CHERP: variants seen among roughly 807,000 people sequenced by gnomAD.
The protein encoded by CHERP is calcium homeostasis endoplasmic reticulum protein.
In CHERP, 8 loss-of-function variants were observed where a neutral mutation model predicts 113.8. The observed-to-expected ratio is 0.07, with a 90% CI of 0.04 to 0.13. The LOEUF (loss-of-function observed/expected upper bound fraction) is 0.13, where lower values mean the gene tolerates loss of function less well. Among genes scored for constraint, CHERP ranks in the 10% least tolerant of loss-of-function variants. The probability of loss-of-function intolerance (pLI) is 1.00; values close to 1 mark genes in which losing one functional copy is unlikely to be tolerated. For synonymous variants in CHERP, 559 were observed against 524.5 expected (o/e 1.07, Z -0.90); for missense variants, 884 against 1,298.2 (o/e 0.68, Z 4.90).
chr19:16,522,267 CTT>C (rs941317864), intron 11 of CHERP, among the ~76,000 whole-genome samples: 1 of 147,914 alleles, frequency 6.8e-6, no homozygotes. Context: ...CCAACCCCCC[CTT>C]TTTTTTTTTG....
In CHERP at chr19:16,523,238, G is replaced by A. The variant is rs1599747282; in HGVS notation, c.1794C>T (p.Ile598=). 1 of 1,600,446 alleles carries A rather than the reference G, an allele frequency of 6.2e-7. No homozygotes were observed. Among genetic ancestry groups the A allele is most frequent in the Non-Finnish European group, 8.5e-7 (1 of 1,174,888 alleles). Residue 598 remains isoleucine (I), a synonymous_variant, in exon 11 of 17, where the codon ATC becomes ATT. Coordinates refer to ENST00000546361, the MANE Select transcript of CHERP (RefSeq NM_006387.6). The surrounding 1 kb of genome is among the most constrained non-coding windows in gnomAD (Gnocchi z 4.0). ...GTCCAGCCCAAGGCGGGTGCTCGTTGATGCCAGGATGAGGCATGCGGTGGC... is the reference window on the plus strand; with the variant it reads ...GTCCAGCCCAAGGCGGGTGCTCGTTAATGCCAGGATGAGGCATGCGGTGGC... ...HPGHRMPHPG[I]NEHPPWAGPQ...
At chr19:16,524,497 A>G (rs1181902107) in intron 10 of CHERP, among the ~76,000 whole-genome samples, 1 of 151,324 alleles carries the variant, frequency 6.6e-6, no homozygotes, top group Non-Finnish European at 1.5e-5. Flanking sequence ...CGGAGGTTGC[A>G]GTGAGCTGAG....
At chr19:16,542,205 G>T in intron 1 of CHERP, 149 bp downstream of exon 1, 1 of 1,067,006 alleles carries the variant, frequency 9.4e-7, no homozygotes, top group Non-Finnish European at 1.3e-6. Flanking sequence ...ACGCTCGCCG[G>T]GAATGCGGGG....
rs1292278702 is a variant in CHERP, at chr19:16,520,273, G to A, written c.2346-8C>T. 3 of 1,613,350 alleles carry A rather than the reference G, an allele frequency of 1.9e-6. No individual in the cohort carries two copies. Among genetic ancestry groups the A allele is most frequent in the Non-Finnish European group, 2.5e-6 (3 of 1,179,884 alleles). ...CGCGACCTGCTCCGACTTCTGCAGG[G>A]AAGGGTGCCCAAGGGTCAGCAGCAG... On this transcript the variant is annotated splice_region_variant and splice_polypyrimidine_tract_variant and intron_variant, in intron 14 of 16. Transcript: ENST00000546361. The surrounding 1 kb of genome is among the most constrained non-coding windows in gnomAD (Gnocchi z 4.0).
rs955184958 is a variant in CHERP at position 16,519,460 on chromosome 19, G to A, written c.2558-108C>T. 5.3e-6 allele frequency: 7 copies of A among 1,332,804 alleles called. No homozygotes were observed. The South Asian group carries it at 7.8e-5, about 15-fold the overall frequency. 82.6% of individuals were successfully genotyped at this position (1,332,804 alleles called of 1,614,324 possible). A position where few individuals can be genotyped will look rare whatever the true frequency, so the allele number is the denominator to read the frequency against. On this transcript the variant is annotated intron_variant, in intron 16 of 16. Transcript: ENST00000546361. The surrounding 1 kb of genome is among the most constrained non-coding windows in gnomAD (Gnocchi z 6.0). ...AGTGTAGACATGGGAAATGGGTAGAGAGAACCCGCAGGCCGGCCCTGTCTA... is the reference window on the plus strand; with the variant it reads ...AGTGTAGACATGGGAAATGGGTAGAAAGAACCCGCAGGCCGGCCCTGTCTA...
intron 2 of CHERP, among the ~76,000 whole-genome samples, chr19:16,538,899 G>A (rs779829852): frequency 1.3e-5 from 2 of 151,654 alleles, no homozygotes; most frequent in African/African-American, 4.9e-5. Context: ...TGCAACTGGC[G>A]CCCAAGTTCA....
In CHERP at chr19:16,523,956, A is replaced by G. The variant is rs1354553898; in HGVS notation, c.1742-666T>C. Among the ~76,000 whole-genome samples the G allele has an allele frequency of 2.6e-5, 4 of 152,248 alleles. No homozygotes were observed. The highest frequency in any genetic ancestry group is 9.6e-5 in the African/African-American group (4 of 41,474). ...AAGCTGCATTTATAATCAGAAATGTATTTAAAGAGAGAAGGCTGGGCATGG... is the reference window on the plus strand; with the variant it reads ...AAGCTGCATTTATAATCAGAAATGTGTTTAAAGAGAGAAGGCTGGGCATGG... On this transcript the variant is annotated intron_variant, in intron 10 of 16. Transcript: ENST00000546361. This position sits in a 1 kb window ranked among gnomAD's most constrained non-coding sequence, Gnocchi z 4.0.
rs980135903 is a variant in CHERP, at chr19:16,532,772, G to A, written c.523-23C>T. On this transcript the variant is annotated intron_variant, in intron 4 of 16. Coordinates refer to ENST00000546361, the MANE Select transcript of CHERP (RefSeq NM_006387.6). The surrounding 1 kb of genome is among the most constrained non-coding windows in gnomAD (Gnocchi z 4.4). Reference sequence around the variant, plus strand: ...GGCCTGCAACAACCGAGCCAATGACGAGTGAGCAGGGCCGCGGCTCCCCCA... The same window carrying A: ...GGCCTGCAACAACCGAGCCAATGACAAGTGAGCAGGGCCGCGGCTCCCCCA... 18 of 1,596,448 alleles carry A rather than the reference G, an allele frequency of 1.1e-5. No homozygotes were observed. The highest frequency in any genetic ancestry group is 1.1e-4 in the African/African-American group (8 of 74,688).
Position 16,519,810 on chromosome 19 carries a change from G to T in CHERP, c.2463-95C>A. 1 of 1,064,772 alleles carries T rather than the reference G, an allele frequency of 9.4e-7. No homozygotes were observed. Among genetic ancestry groups the T allele is most frequent in the Non-Finnish European group, 1.5e-6 (1 of 682,598 alleles). The allele number at this position is 1,064,772 out of a possible 1,614,324, so 66.0% of individuals were successfully genotyped here. On this transcript the variant is annotated intron_variant, in intron 15 of 16. Coordinates refer to ENST00000546361, the MANE Select transcript of CHERP (RefSeq NM_006387.6). This position sits in a 1 kb window ranked among gnomAD's most constrained non-coding sequence, Gnocchi z 6.0. ...CCTCACAGCCGCAGCTTGCGTGCAT[G>T]CTCACTGTCACCAGGTGACACCGTA...
At chr19:16,522,505 C>T (rs1326231289) in intron 11 of CHERP, among the ~76,000 whole-genome samples, 12 of 152,118 alleles carry the variant, frequency 7.9e-5, no homozygotes, top group East Asian at 3.9e-4. Context: ...GTGATCCGCC[C>T]GCCTCGGCCT....
At chr19:16,527,967 A>G in intron 9 of CHERP, 113 bp downstream of exon 9, 1 of 1,028,354 alleles carries the variant, frequency 9.7e-7, no homozygotes, top group South Asian at 1.5e-5. Flanking sequence ...GCCACAGAAT[A>G]TCCCTCATTG....
Position 16,535,713 on chromosome 19 carries a change from A to G in CHERP, c.200-77T>C. On this transcript the variant is annotated intron_variant, in intron 2 of 16. Transcript: ENST00000546361. This position sits in a 1 kb window ranked among gnomAD's most constrained non-coding sequence, Gnocchi z 4.3. ...GTGTCCCCTTGGCCACCTCTCAGCC[A>G]CAGGGGCCTCCCCCTCCCCAGGGAC... 2.2e-6 allele frequency: 3 copies of G among 1,347,842 alleles called. No individual in the cohort carries two copies. The highest frequency in any genetic ancestry group is 2.9e-6 in the Non-Finnish European group (3 of 1,017,550). 83.5% of individuals were successfully genotyped at this position (1,347,842 alleles called of 1,614,324 possible). A position where few individuals can be genotyped will look rare whatever the true frequency, so the allele number is the denominator to read the frequency against.
intron 2 of CHERP, among the ~76,000 whole-genome samples, chr19:16,540,399 G>A (rs2085770666): frequency 7.9e-6 from 1 of 126,964 alleles, no homozygotes; most frequent in African/African-American, 3.0e-5. Flanking sequence ...TTTAGATGGA[G>A]TCTCATTCTG....
chr19:16,529,341 T>C (rs2085679925), intron 8 of CHERP, among the ~76,000 whole-genome samples: 1 of 152,218 alleles, frequency 6.6e-6, no homozygotes, highest in African/African-American at 2.4e-5. Context: ...GTCTGTGCAT[T>C]GTCCTTCCTG....
chr19:16,533,252 G>T, intron 3 of CHERP, 104 bp from the exon 4 acceptor site: 1 of 1,166,288 alleles, frequency 8.6e-7, no homozygotes, highest in Non-Finnish European at 1.2e-6. Context: ...TGGTGGCGAT[G>T]CCCGGACTCT....
rs563677412 is a variant in CHERP, at chr19:16,533,936, C to T, written c.385-788G>A. Reference sequence around the variant, plus strand: ...TCAAGAGGAAACACCGGTTAAAGTGCGACTGGTAAAAACAGAGCTGCCATG... The same window carrying T: ...TCAAGAGGAAACACCGGTTAAAGTGTGACTGGTAAAAACAGAGCTGCCATG... On this transcript the variant is annotated intron_variant, in intron 3 of 16. Transcript: ENST00000546361. Among the ~76,000 whole-genome samples, 37 of 152,250 alleles carry T rather than the reference C, an allele frequency of 2.4e-4. No homozygotes were observed. In the South Asian group the frequency reaches 4.8e-3, roughly 20 times the overall value.
At chr19:16,528,323 C>T in intron 8 of CHERP, 68 bp from the exon 9 acceptor site, 3 of 1,447,760 alleles carry the variant, frequency 2.1e-6, no homozygotes, top group Non-Finnish European at 2.8e-6. Flanking sequence ...CTCCACACTA[C>T]CCCAGAGCAA....
At chr19:16,524,215 C>G (rs1258228327) in intron 10 of CHERP, among the ~76,000 whole-genome samples, 1 of 152,064 alleles carries the variant, frequency 6.6e-6, no homozygotes, top group Non-Finnish European at 1.5e-5. Flanking sequence ...CCACTGCACT[C>G]CAGCCTGCGT....
At position 16,519,455 on chromosome 19, in the gene CHERP, GTAGAGAGAAC is replaced by G; in HGVS notation, c.2558-113_2558-104del. The G allele has an allele frequency of 7.4e-7, 1 of 1,357,860 alleles. No homozygotes were observed. Among genetic ancestry groups the G allele is most frequent in the South Asian group, 1.3e-5 (1 of 77,408 alleles). 84.1% of individuals were successfully genotyped at this position (1,357,860 alleles called of 1,614,324 possible). A position where few individuals can be genotyped will look rare whatever the true frequency, so the allele number is the denominator to read the frequency against. On this transcript the variant is annotated intron_variant, in intron 16 of 16. Coordinates refer to ENST00000546361, the MANE Select transcript of CHERP (RefSeq NM_006387.6). This position sits in a 1 kb window ranked among gnomAD's most constrained non-coding sequence, Gnocchi z 6.0. ...CAGGCAGTGTAGACATGGGAAATGG[GTAGAGAGAAC>G]CCGCAGGCCGGCCCTGTCTAGAGGG...
Sources: gnomAD v4.1 joint callset for allele counts (sites outside exome capture counted in the v4.1 genomes callset) on GRCh38, gnomAD v4.1.1 for gene constraint, Gnocchi (gnomAD v3.1) non-coding constraint, MANE v1.5 for transcripts, NCBI Gene and HGNC (gene_info 2026-07-23, HGNC 2026-07-21) for gene names.